LRMDA: variants seen among roughly 807,000 people sequenced by gnomAD.
The protein encoded by LRMDA is leucine-rich melanocyte differentiation-associated protein.
In LRMDA, 18 loss-of-function variants were observed where a neutral mutation model predicts 29.8. That is an observed-to-expected ratio of 0.60 (90% confidence interval 0.42 to 0.90). The LOEUF (loss-of-function observed/expected upper bound fraction) is 0.90. Ranked by LOEUF, LRMDA falls within the 40% of genes least tolerant of loss-of-function variation. The pLI is 0.00. For missense variants in LRMDA, 273 were observed against 273.9 expected (o/e 1.00, Z 0.02); for synonymous variants, 125 against 109.4 (o/e 1.14, Z -0.89).
intron 2 of LRMDA, among the ~76,000 whole-genome samples, chr10:75,748,699 G>A (rs919158857): frequency 3.3e-5 from 5 of 152,054 alleles, no homozygotes; most frequent in Admixed American, 6.6e-5. Context: ...CATCCCATTC[G>A]TGAATTGTAA....
At chr10:75,930,485 G>T (rs1443330561) in intron 2 of LRMDA, among the ~76,000 whole-genome samples, 7 of 152,160 alleles carry the variant, frequency 4.6e-5, no homozygotes, top group African/African-American at 1.4e-4. Context: ...TCAACTCCTA[G>T]ATCTATAACT....
intron 2 of LRMDA, among the ~76,000 whole-genome samples, chr10:75,698,306 C>T (rs1842264100): frequency 6.6e-6 from 1 of 152,198 alleles, no homozygotes; most frequent in Admixed American, 6.5e-5. Flanking sequence ...CCCTTAGCAT[C>T]TCTCGGCTTC....
At chr10:75,612,307 AT>A (rs1180846363) in intron 2 of LRMDA, among the ~76,000 whole-genome samples, 1 of 152,188 alleles carries the variant, frequency 6.6e-6, no homozygotes, top group Non-Finnish European at 1.5e-5. Context: ...ACCTCTTTTA[AT>A]AAACTAGTGG....
intron 6 of LRMDA, among the ~76,000 whole-genome samples, chr10:76,412,410 A>C (rs979821955): frequency 6.6e-6 from 1 of 152,206 alleles, no homozygotes. Context: ...TGTTCTTCTG[A>C]TTCATGGATA....
At chr10:76,437,806 TCCACCAA>T (rs1410870485) in intron 6 of LRMDA, among the ~76,000 whole-genome samples, 1 of 152,210 alleles carries the variant, frequency 6.6e-6, no homozygotes, top group Admixed American at 6.5e-5. Context: ...TCCTGCTTCT[TCCACCAA>T]CCTAAGGGAT....
intron 2 of LRMDA, among the ~76,000 whole-genome samples, chr10:75,761,808 GT>G (rs1302346924): frequency 2.2e-4 from 26 of 120,038 alleles, no homozygotes; most frequent in Admixed American, 3.4e-4. Flanking sequence ...TTTTTTTTTT[GT>G]TTTTTTTTTT....
intron 5 of LRMDA, among the ~76,000 whole-genome samples, chr10:76,253,280 C>T (rs550283065): frequency 6.6e-6 from 1 of 152,272 alleles, no homozygotes; most frequent in African/African-American, 2.4e-5. Context: ...GGTTTAAGGA[C>T]ATTGATTCAT....
chr10:76,405,624 A>G (rs1342233646), intron 6 of LRMDA, among the ~76,000 whole-genome samples: 2 of 152,200 alleles, frequency 1.3e-5, no homozygotes, highest in Non-Finnish European at 2.9e-5. Context: ...GTCAGAGCTC[A>G]CAACTGACGG....
At chr10:76,181,771 T>C (rs1851054463) in intron 5 of LRMDA, among the ~76,000 whole-genome samples, 1 of 152,196 alleles carries the variant, frequency 6.6e-6, no homozygotes, top group African/African-American at 2.4e-5. Flanking sequence ...CAAAACCATC[T>C]TGACTGAAAA....
intron 2 of LRMDA, among the ~76,000 whole-genome samples, chr10:75,825,528 T>C (rs976526266): frequency 6.6e-6 from 1 of 152,178 alleles, no homozygotes; most frequent in African/African-American, 2.4e-5. Flanking sequence ...TGGAGATGCA[T>C]GGCATTTTAA....
chr10:76,046,307 C>T (rs1261481436), intron 3 of LRMDA, among the ~76,000 whole-genome samples: 1 of 152,114 alleles, frequency 6.6e-6, no homozygotes, highest in South Asian at 2.1e-4. Context: ...ATCTATGGCT[C>T]TTGCTTTATT....
chr10:75,930,634 G>A (rs7087309), intron 2 of LRMDA, among the ~76,000 whole-genome samples: 3,491 of 152,164 alleles, frequency 0.023, 124 homozygotes, highest in African/African-American at 0.078. Context: ...CCTTTTCAGG[G>A]TATATTCTCA....
At chr10:75,574,292 C>T (rs1173142389) in intron 2 of LRMDA, among the ~76,000 whole-genome samples, 2 of 152,132 alleles carry the variant, frequency 1.3e-5, no homozygotes, top group Non-Finnish European at 2.9e-5. Context: ...TCTCAATGCT[C>T]TTCTATGTAC....
At chr10:76,435,092 T>A (rs1386114309) in intron 6 of LRMDA, among the ~76,000 whole-genome samples, 1 of 152,172 alleles carries the variant, frequency 6.6e-6, no homozygotes, top group East Asian at 1.9e-4. Context: ...GTTTTTTAGA[T>A]AAACTAAGAA....
At chr10:76,409,796 G>T (rs989958678) in intron 6 of LRMDA, among the ~76,000 whole-genome samples, 1 of 152,142 alleles carries the variant, frequency 6.6e-6, no homozygotes, top group Admixed American at 6.5e-5. Flanking sequence ...TTAAATGCTT[G>T]CTACTTACTG....
At chr10:76,526,084 GC>G (rs59914913) in intron 6 of LRMDA, among the ~76,000 whole-genome samples, 152,348 of 152,348 alleles carry the variant, frequency 1, 76,174 homozygotes, top group Non-Finnish European at 1. Context: ...TACAAAAGTA[GC>G]ACATTGGCTA....
At chr10:76,389,655 T>C (rs892595359) in intron 6 of LRMDA, among the ~76,000 whole-genome samples, 17 of 152,250 alleles carry the variant, frequency 1.1e-4, no homozygotes, top group African/African-American at 4.1e-4. Flanking sequence ...CCCTCTAGAA[T>C]CCACCATTCT....
intron 2 of LRMDA, among the ~76,000 whole-genome samples, chr10:75,871,968 GA>G (rs1337704743): frequency 6.6e-6 from 1 of 152,194 alleles, no homozygotes; most frequent in Non-Finnish European, 1.5e-5. Flanking sequence ...TGAGTGAATT[GA>G]ATGTATTCAT....
intron 2 of LRMDA, among the ~76,000 whole-genome samples, chr10:75,887,356 G>A (rs901393721): frequency 5.3e-5 from 8 of 151,930 alleles, no homozygotes; most frequent in Admixed American, 1.3e-4. Flanking sequence ...ATTGGTACAC[G>A]CACATTTTTA....
Sources: allele counts gnomAD v4.1 joint callset (sites outside exome capture counted in the v4.1 genomes callset), GRCh38; gene constraint gnomAD v4.1.1; transcripts MANE v1.5; gene names NCBI Gene and HGNC (gene_info 2026-07-23, HGNC 2026-07-21).